Variants in DOCK1 observed in about 807,000 individuals in gnomAD.
DOCK1 encodes the protein dedicator of cytokinesis protein 1.
A neutral mutation model predicts 262.7 loss-of-function variants in DOCK1; 138 were observed. The observed-to-expected ratio is 0.53, with a 90% CI of 0.46 to 0.61. The LOEUF is 0.61. Ranked by LOEUF, DOCK1 falls within the 20% of genes least tolerant of loss-of-function variation. The pLI, the probability that DOCK1 is intolerant of heterozygous loss-of-function variation, is 0.00. For synonymous variants in DOCK1, 866 were observed against 867.4 expected, an observed-to-expected ratio of 1.00 and a Z score of 0.03; for missense variants, 1,908 against 2,370.7, an observed-to-expected ratio of 0.80 and a Z score of 4.05.
rs376470565 is a variant in DOCK1, at chr10:126,918,906, G to A, written c.46+13343G>A. On this transcript the variant is annotated intron_variant, in intron 1 of 51. Transcript: ENST00000623213. ...AGGTGGGCACGGAGGATTCGGACAG[G>A]TGGGCACGGAGGATTTGGAGGAGGA... 3.6e-4 allele frequency among the ~76,000 whole-genome samples: 47 copies of A among 130,364 alleles called. No individual in the cohort carries two copies. In the East Asian group the frequency reaches 4.8e-3, roughly 13 times the overall value. 85.5% of individuals were successfully genotyped at this position (130,364 alleles called of 152,430 possible).
intron 27 of DOCK1, among the ~76,000 whole-genome samples, chr10:127,140,362 A>C (rs1054132665): frequency 5.9e-5 from 9 of 152,178 alleles, no homozygotes; most frequent in African/African-American, 2.2e-4. Context: ...CTGCAACCAG[A>C]GGCAGGTTCC....
chr10:127,199,488 G>A (rs916166533), intron 27 of DOCK1, among the ~76,000 whole-genome samples: 6 of 152,138 alleles, frequency 3.9e-5, no homozygotes, highest in Non-Finnish European at 5.9e-5. Context: ...TTGGTTCTTC[G>A]TATAGTGGAA....
At chr10:127,364,062 C>G (rs993935864) in intron 33 of DOCK1, among the ~76,000 whole-genome samples, 1 of 152,218 alleles carries the variant, frequency 6.6e-6, no homozygotes, top group African/African-American at 2.4e-5. Context: ...CTCTCAAGGC[C>G]GGAACCTCCC....
intron 46 of DOCK1, among the ~76,000 whole-genome samples, chr10:127,424,596 C>T (rs1413869820): frequency 2.6e-5 from 4 of 152,160 alleles, no homozygotes; most frequent in Non-Finnish European, 4.4e-5. Context: ...GGTCTGTCTG[C>T]GTCATCCCCC....
intron 25 of DOCK1, among the ~76,000 whole-genome samples, chr10:127,117,634 A>G (rs2049275245): frequency 6.6e-6 from 1 of 152,070 alleles, no homozygotes; most frequent in South Asian, 2.1e-4. Flanking sequence ...TAGTTGGTGT[A>G]AACTTTATCA....
At chr10:127,377,242 T>A (rs1335935927) in intron 35 of DOCK1, among the ~76,000 whole-genome samples, 2 of 152,158 alleles carry the variant, frequency 1.3e-5, no homozygotes, top group Non-Finnish European at 2.9e-5. Flanking sequence ...TAGATAGGTG[T>A]CCTAACCATA....
chr10:127,228,440 A>G (rs1332997374), intron 27 of DOCK1, among the ~76,000 whole-genome samples: 1 of 152,184 alleles, frequency 6.6e-6, no homozygotes. Flanking sequence ...TTCCAATGCT[A>G]TAAAAAGCCT....
intron 21 of DOCK1, among the ~76,000 whole-genome samples, chr10:127,052,252 C>G (rs142815272): frequency 6.6e-6 from 1 of 152,196 alleles, no homozygotes; most frequent in Non-Finnish European, 1.5e-5. Flanking sequence ...ACAGGCCGTG[C>G]AGTGGCTTAC....
At chr10:127,134,078 G>A (rs2050495237) in intron 27 of DOCK1, among the ~76,000 whole-genome samples, 1 of 152,196 alleles carries the variant, frequency 6.6e-6, no homozygotes, top group Admixed American at 6.5e-5. Flanking sequence ...TTCTAAACAG[G>A]CCATGGTGTT....
intron 27 of DOCK1, among the ~76,000 whole-genome samples, chr10:127,205,933 C>G (rs1466827128): frequency 1.3e-5 from 2 of 152,064 alleles, no homozygotes; most frequent in African/African-American, 4.8e-5. Flanking sequence ...GGGTATAATG[C>G]ACTTTAAGCA....
intron 27 of DOCK1, among the ~76,000 whole-genome samples, chr10:127,218,698 A>G (rs1256503722): frequency 1.3e-5 from 2 of 152,076 alleles, no homozygotes; most frequent in African/African-American, 2.4e-5. Flanking sequence ...TTCTGTTGTT[A>G]TTTCCCAATC....
At chr10:127,236,235 GT>G (rs1022282915) in intron 27 of DOCK1, among the ~76,000 whole-genome samples, 1 of 151,958 alleles carries the variant, frequency 6.6e-6, no homozygotes, top group Non-Finnish European at 1.5e-5. Flanking sequence ...AAAAAGTTTT[GT>G]TGTTTTAAGT....
chr10:127,280,034 A>ATATATATATAT (rs1554939125), intron 29 of DOCK1, among the ~76,000 whole-genome samples: 74 of 91,312 alleles, frequency 8.1e-4, no homozygotes, highest in African/African-American at 2.0e-3. Context: ...ATATATATAT[A>ATATATATATAT]ATTTTTTTTT....
chr10:127,441,534 A>T (rs1416353066), intron 49 of DOCK1, among the ~76,000 whole-genome samples: 1 of 152,152 alleles, frequency 6.6e-6, no homozygotes, highest in African/African-American at 2.4e-5. Flanking sequence ...CCTCCAGGGG[A>T]CGGGTGCCGG....
At chr10:127,299,199 A>G (rs982089490) in intron 29 of DOCK1, among the ~76,000 whole-genome samples, 10 of 152,178 alleles carry the variant, frequency 6.6e-5, no homozygotes, top group Non-Finnish European at 1.3e-4. Flanking sequence ...CCCAGGTTCA[A>G]GTGATTCTCG....
chr10:126,984,330 A>G lies in DOCK1; in HGVS notation c.227+2357A>G, dbSNP rs369132885. On this transcript the variant is annotated intron_variant, in intron 4 of 51. Coordinates refer to ENST00000623213, the MANE Select transcript of DOCK1 (RefSeq NM_001290223.2). Reference sequence around the variant, plus strand: ...CATTCTCTTTTCAAAAAAAATTATTATTATTTTTATTTTGTATTGTGTATT... The same window carrying G: ...CATTCTCTTTTCAAAAAAAATTATTGTTATTTTTATTTTGTATTGTGTATT... Among the ~76,000 whole-genome samples, 38 of 152,042 alleles carry G rather than the reference A, an allele frequency of 2.5e-4. 1 individual carries two copies. The highest frequency in any genetic ancestry group is 9.2e-4 in the African/African-American group (38 of 41,504).
At chr10:127,095,911 A>C (rs948453136) in intron 23 of DOCK1, among the ~76,000 whole-genome samples, 1 of 152,186 alleles carries the variant, frequency 6.6e-6, no homozygotes, top group East Asian at 1.9e-4. Context: ...GTGATACAGA[A>C]ACACGCAGAT....
chr10:127,101,311 C>T (rs74158615), intron 23 of DOCK1, among the ~76,000 whole-genome samples: 2,376 of 152,146 alleles, frequency 0.016, 68 homozygotes, highest in African/African-American at 0.054. Flanking sequence ...AGAGGAAACC[C>T]GGCCCTTCAG....
chr10:127,026,166 A>G, intron 15 of DOCK1, 186 bp from the exon 16 acceptor site: 3 of 610,284 alleles, frequency 4.9e-6, no homozygotes, highest in South Asian at 2.0e-5. Flanking sequence ...AGCTGTTACA[A>G]TATGATACAA....
Sources: gnomAD v4.1 joint callset for allele counts (sites outside exome capture counted in the v4.1 genomes callset) on GRCh38, gnomAD v4.1.1 for gene constraint, MANE v1.5 for transcripts, NCBI Gene and HGNC (gene_info 2026-07-23, HGNC 2026-07-21) for gene names.